Variants in DDAH1 observed in about 807,000 individuals in gnomAD.
The protein encoded by DDAH1 is dimethylarginine dimethylaminohydrolase 1.
Under a neutral mutation model 28.8 loss-of-function variants are expected in DDAH1, and 19 were observed. The ratio of observed to expected loss-of-function variants is 0.66; its 90% CI spans 0.46 to 0.97. The LOEUF (loss-of-function observed/expected upper bound fraction) is 0.97, where lower values mean the gene tolerates loss of function less well. DDAH1 is among the 50% of genes least tolerant of loss of function. DDAH1 has a pLI of 0.00. For missense variants in DDAH1, 326 were observed against 375.9 expected (o/e 0.87, Z 1.10); for synonymous variants, 153 against 154.4 (o/e 0.99, Z 0.07).
At chr1:85,499,159 T>C (rs1022388641) in intron 1 of DDAH1, among the ~76,000 whole-genome samples, 1 of 152,112 alleles carries the variant, frequency 6.6e-6, no homozygotes, top group Non-Finnish European at 1.5e-5. Context: ...AGAGATGCTT[T>C]ATGTATAAAG....
intron 1 of DDAH1, among the ~76,000 whole-genome samples, chr1:85,503,087 TA>T (rs141834038): frequency 5.3e-5 from 8 of 151,268 alleles, no homozygotes; most frequent in South Asian, 4.2e-4. Context: ...AGAAATAAGT[TA>T]AAAAAAAACC....
intron 4 of DDAH1, among the ~76,000 whole-genome samples, chr1:85,331,246 C>A (rs185109084): frequency 1.2e-4 from 19 of 152,254 alleles, no homozygotes; most frequent in Non-Finnish European, 1.9e-4. Flanking sequence ...CTCATGCTTT[C>A]TTTGTATAAT....
At position 85,444,018 on chromosome 1, in the gene DDAH1, C is replaced by T. The variant is rs184957930; in HGVS notation, c.303+20725G>A. ...GAATACCCTTTATTTCTTTCTCCTG[C>T]CTGATTGTCCTGGCCAGAACTTCCA... On this transcript the variant is annotated intron_variant, in intron 1 of 5. Transcript: ENST00000284031. 3.0e-3 allele frequency among the ~76,000 whole-genome samples: 450 copies of T among 152,254 alleles called. 5 individuals carry two copies. The highest frequency in any genetic ancestry group is 4.6e-3 in the Admixed American group (71 of 15,296).
chr1:85,527,937 T>C (rs546989220), intron 1 of DDAH1, among the ~76,000 whole-genome samples: 1 of 152,328 alleles, frequency 6.6e-6, no homozygotes, highest in African/African-American at 2.4e-5. Flanking sequence ...GAGTACATTT[T>C]GCCTCCATGC....
chr1:85,564,012 A>C (rs1016411496), intron 1 of DDAH1, among the ~76,000 whole-genome samples: 1 of 152,132 alleles, frequency 6.6e-6, no homozygotes. Flanking sequence ...TCTCTACTAA[A>C]ATACCAAAAA....
intron 4 of DDAH1, among the ~76,000 whole-genome samples, chr1:85,341,610 T>C (rs1648485371): frequency 6.6e-6 from 1 of 152,052 alleles, no homozygotes; most frequent in Admixed American, 6.6e-5. Flanking sequence ...GTCAGGAGAT[T>C]GAGACCATCC....
Position 85,464,408 on chromosome 1 carries a change from G to C in DDAH1, c.303+335C>G. 2 of 1,285,694 alleles carry C rather than the reference G, an allele frequency of 1.6e-6. No homozygotes were observed. Among genetic ancestry groups the C allele is most frequent in the Non-Finnish European group, 2.1e-6 (2 of 959,348 alleles). The allele number at this position is 1,285,694 out of a possible 1,614,324, so 79.6% of individuals were successfully genotyped here. On this transcript the variant is annotated intron_variant, in intron 1 of 5. Coordinates refer to ENST00000284031, the MANE Select transcript of DDAH1 (RefSeq NM_012137.4). The surrounding 1 kb of genome is among the most constrained non-coding windows in gnomAD (Gnocchi z 4.4). ...GCACCCCTCGCGGCCCTCGCTCCCT[G>C]GGAAACACTCAGAGTTGCACTGTCG...
At chr1:85,489,084 A>G (rs1656298759) in intron 2 of DDAH1, among the ~76,000 whole-genome samples, 1 of 152,246 alleles carries the variant, frequency 6.6e-6, no homozygotes, top group Admixed American at 6.5e-5. Context: ...CATTCTAGCC[A>G]TTCTAAACAT....
At chr1:85,411,219 A>G (rs1652641056) in intron 1 of DDAH1, among the ~76,000 whole-genome samples, 1 of 152,252 alleles carries the variant, frequency 6.6e-6, no homozygotes, top group South Asian at 2.1e-4. Flanking sequence ...GTTGACAGTG[A>G]GGCAGGAGTC....
chr1:85,542,326 G>A lies in DDAH1; in HGVS notation c.-123+35658C>T, dbSNP rs555270203. Among the ~76,000 whole-genome samples, 8 of 152,306 alleles carry A rather than the reference G, an allele frequency of 5.3e-5. No homozygotes were observed. In the South Asian group the frequency reaches 1.7e-3, roughly 32 times the overall value. On this transcript the variant is annotated intron_variant, in intron 1 of 6. Coordinates refer to the DDAH1 transcript ENST00000426972. ...CAAGAGTGAATATTCCTGAAAGGCG[G>A]CAGCTCAGACATGCATAGAATCTAT... is the stretch of plus-strand genomic sequence containing the variant.
At chr1:85,529,712 G>T (rs1253933290) in intron 1 of DDAH1, among the ~76,000 whole-genome samples, 3 of 142,832 alleles carry the variant, frequency 2.1e-5, no homozygotes, top group Non-Finnish European at 4.6e-5. Context: ...GGTGGCAGAG[G>T]CCAGGCAGGG....
At chr1:85,469,064 AT>A (rs1655524189), upstream of DDAH1, among the ~76,000 whole-genome samples, 2 of 152,208 alleles carry the variant, frequency 1.3e-5, no homozygotes, top group Non-Finnish European at 2.9e-5. Context: ...GAAAGGCTTA[AT>A]GGGTCAGGCC....
At chr1:85,536,978 TATATATAC>T (rs200274438) in intron 1 of DDAH1, among the ~76,000 whole-genome samples, 25,960 of 84,206 alleles carry the variant, frequency 0.31, 3,118 homozygotes, top group Middle Eastern at 0.43. Flanking sequence ...TATATATATA[TATATATAC>T]GTATATACAT....
chr1:85,512,653 C>A (rs1319872895), intron 1 of DDAH1, among the ~76,000 whole-genome samples: 2 of 152,204 alleles, frequency 1.3e-5, no homozygotes, highest in South Asian at 2.1e-4. Context: ...TCAGCAAAGT[C>A]TCAGGATACA....
chr1:85,457,236 T>G (rs547439247), intron 1 of DDAH1, among the ~76,000 whole-genome samples: 1 of 152,330 alleles, frequency 6.6e-6, no homozygotes, highest in East Asian at 1.9e-4. Context: ...CACTGGACTA[T>G]TACCCCCATC....
intron 4 of DDAH1, 126 bp from the exon 5 acceptor site, chr1:85,325,009 A>G (rs1345046378): frequency 7.5e-6 from 8 of 1,065,890 alleles, no homozygotes; most frequent in Non-Finnish European, 9.2e-6. Context: ...TCAAATTCCC[A>G]TCTATTACCT....
chr1:85,462,324 G>C (rs1002638140), intron 1 of DDAH1, among the ~76,000 whole-genome samples: 2 of 152,094 alleles, frequency 1.3e-5, no homozygotes, highest in African/African-American at 4.8e-5. Flanking sequence ...CCAGCTCAAT[G>C]GGTTTATCTA....
intron 2 of DDAH1, among the ~76,000 whole-genome samples, chr1:85,479,579 A>G (rs1048424715): frequency 1.3e-5 from 2 of 152,260 alleles, no homozygotes; most frequent in African/African-American, 4.8e-5. Flanking sequence ...CTAATTGCTT[A>G]TTGAGTATTA....
chr1:85,466,861 G>A (rs1387289216), upstream of DDAH1, among the ~76,000 whole-genome samples: 5 of 32,992 alleles, frequency 1.5e-4, no homozygotes, highest in African/African-American at 4.0e-4. Flanking sequence ...TTTTGAGATG[G>A]AGTTTCGCTC....
Sources: gnomAD v4.1 joint callset for allele counts (sites outside exome capture counted in the v4.1 genomes callset) on GRCh38, gnomAD v4.1.1 for gene constraint, Gnocchi (gnomAD v3.1) non-coding constraint, MANE v1.5 for transcripts, NCBI Gene and HGNC (gene_info 2026-07-23, HGNC 2026-07-21) for gene names.